PARD3B: variants seen among roughly 807,000 people sequenced by gnomAD.
PARD3B encodes par-3 family cell polarity regulator beta.
Under a neutral mutation model 130.2 loss-of-function variants are expected in PARD3B, and 103 were observed. The ratio of observed to expected loss-of-function variants is 0.79; its 90% CI spans 0.67 to 0.93. PARD3B has a LOEUF of 0.93. PARD3B is among the 40% of genes least tolerant of loss of function. The pLI is 0.00. For missense variants in PARD3B, 1,609 were observed against 1,499.2 expected (o/e 1.07, Z -1.21); for synonymous variants, 583 against 553.2 (o/e 1.05, Z -0.76).
rs974511598 is a variant in PARD3B, at chr2:204,664,678, T to G, written c.121-21503T>G. Among the ~76,000 whole-genome samples, 36 of 152,204 alleles carry G rather than the reference T, an allele frequency of 2.4e-4. No individual in the cohort carries two copies. The highest frequency in any genetic ancestry group is 8.2e-4 in the African/African-American group (34 of 41,460). On this transcript the variant is annotated intron_variant, in intron 1 of 22. Coordinates refer to ENST00000406610, the MANE Select transcript of PARD3B (RefSeq NM_001302769.2). The surrounding 1 kb of genome is among the most constrained non-coding windows in gnomAD (Gnocchi z 5.2). ...GAAGAACTTATAGGCAAATAGCTTT[T>G]GAGAATTTGGACTCATTAGCAGGGC...
rs748293409 is a variant in PARD3B, at chr2:205,615,453, C to T, written c.3261-3C>T. ...TAACATGTGTCTCTTCTTCTCTTTC[C>T]AGGGGAGGACCCGCAGATCCTGTAG... On this transcript the variant is annotated splice_polypyrimidine_tract_variant and splice_region_variant and intron_variant, in intron 22 of 22. Transcript: ENST00000406610. The T allele has an allele frequency of 1.9e-6, 3 of 1,584,518 alleles. No individual in the cohort carries two copies. The highest frequency in any genetic ancestry group is 2.6e-6 in the Non-Finnish European group (3 of 1,165,254).
intron 20 of PARD3B, among the ~76,000 whole-genome samples, chr2:205,499,083 T>A (rs564732889): frequency 1.3e-5 from 2 of 152,298 alleles, no homozygotes; most frequent in South Asian, 4.1e-4. Context: ...GCTGTTCAGA[T>A]CTGCCTGTCA....
At chr2:204,996,823 G>A (rs1232783595) in intron 3 of PARD3B, among the ~76,000 whole-genome samples, 1 of 147,136 alleles carries the variant, frequency 6.8e-6, no homozygotes, top group African/African-American at 2.5e-5. Flanking sequence ...CGCAATATTC[G>A]GGTGGGAGTG....
chr2:205,468,985 A>G (rs2048732318), intron 20 of PARD3B, among the ~76,000 whole-genome samples: 1 of 150,218 alleles, frequency 6.7e-6, no homozygotes, highest in Admixed American at 6.6e-5. Context: ...TTTTTTCTTA[A>G]TGAAGCCCTG....
intron 2 of PARD3B, among the ~76,000 whole-genome samples, chr2:204,881,704 A>T (rs1278577191): frequency 1.3e-5 from 2 of 151,954 alleles, no homozygotes; most frequent in Admixed American, 6.6e-5. Flanking sequence ...AATGAAGGAA[A>T]CTCTGAAGCT....
intron 15 of PARD3B, among the ~76,000 whole-genome samples, chr2:205,217,997 A>T (rs2038041776): frequency 6.7e-6 from 1 of 148,956 alleles, no homozygotes; most frequent in East Asian, 2.0e-4. Context: ...GGTTCAAGCG[A>T]TTCTTCTGCC....
chr2:205,296,663 ATGTGTGTGTGTG>A (rs3048084), intron 16 of PARD3B, among the ~76,000 whole-genome samples: 34 of 138,032 alleles, frequency 2.5e-4, no homozygotes, highest in African/African-American at 8.1e-4. Flanking sequence ...GTGTTTGTGT[ATGTGTGTGTGTG>A]TGTGTGTGTG....
At chr2:204,742,580 T>A (rs747560922) in intron 2 of PARD3B, among the ~76,000 whole-genome samples, 4 of 152,272 alleles carry the variant, frequency 2.6e-5, no homozygotes, top group Middle Eastern at 3.4e-3. Context: ...TTAACCAGGG[T>A]TGTTTTATTC....
At chr2:205,326,608 A>T (rs1035647125) in intron 18 of PARD3B, among the ~76,000 whole-genome samples, 2 of 152,210 alleles carry the variant, frequency 1.3e-5, no homozygotes, top group African/African-American at 4.8e-5. Context: ...ATTTTACTCA[A>T]GAAAATTGGG....
intron 2 of PARD3B, among the ~76,000 whole-genome samples, chr2:204,889,039 G>T (rs1166033057): frequency 6.6e-6 from 1 of 152,138 alleles, no homozygotes; most frequent in African/African-American, 2.4e-5. Context: ...AGGTGCTATT[G>T]CTGGACTCCC....
In PARD3B at chr2:205,050,172, TATTA is replaced by T. The variant is rs555942634; in HGVS notation, c.504+2489_504+2492del. On this transcript the variant is annotated intron_variant, in intron 4 of 22. Transcript: ENST00000406610. ...AGAAATTAACCAGCTAATTAATTAT[TATTA>T]ATTAATATATATTAATATATAAATA... 5.0e-4 allele frequency among the ~76,000 whole-genome samples: 74 copies of T among 148,318 alleles called. 2 individuals are homozygous for T. In the East Asian group the frequency reaches 0.012, roughly 23 times the overall value.
At chr2:204,849,250 G>C (rs2044604678) in intron 2 of PARD3B, among the ~76,000 whole-genome samples, 1 of 151,950 alleles carries the variant, frequency 6.6e-6, no homozygotes, top group African/African-American at 2.4e-5. Flanking sequence ...ATACTCTGTA[G>C]GACATACAGG....
chr2:205,026,020 C>T (rs1452171809), intron 3 of PARD3B, among the ~76,000 whole-genome samples: 1 of 152,162 alleles, frequency 6.6e-6, no homozygotes, highest in African/African-American at 2.4e-5. Context: ...TCTGAGCATA[C>T]AACTGGGAAA....
chr2:205,088,104 C>T (rs1701853316), intron 4 of PARD3B, among the ~76,000 whole-genome samples: 1 of 152,180 alleles, frequency 6.6e-6, no homozygotes, highest in Non-Finnish European at 1.5e-5. Context: ...CAACTGTGAT[C>T]CAAATGATGA....
At chr2:204,646,062 G>A (rs1260365927) in intron 1 of PARD3B, among the ~76,000 whole-genome samples, 5 of 151,982 alleles carry the variant, frequency 3.3e-5, no homozygotes, top group African/African-American at 1.2e-4. Flanking sequence ...GTTTTATTTG[G>A]TTTTGACATA....
In PARD3B at chr2:205,258,214, G is replaced by T. The variant is rs1380969402; in HGVS notation, c.2185+12392G>T. Among the ~76,000 whole-genome samples the T allele has an allele frequency of 6.6e-6, 1 of 151,992 alleles. No individual in the cohort carries two copies. The highest frequency in any genetic ancestry group is 1.5e-5 in the Non-Finnish European group (1 of 68,008). Reference sequence around the variant, plus strand: ...CTGACATTTACCAGCAGGAAATCAGGTTGATCCCACAAGAATACATCCCAA... The same window carrying T: ...CTGACATTTACCAGCAGGAAATCAGTTTGATCCCACAAGAATACATCCCAA... On this transcript the variant is annotated intron_variant, in intron 16 of 22. Transcript: ENST00000406610. The surrounding 1 kb of genome is among the most constrained non-coding windows in gnomAD (Gnocchi z 4.9).
intron 2 of PARD3B, among the ~76,000 whole-genome samples, chr2:204,773,798 CT>C (rs1197817579): frequency 1.3e-5 from 2 of 152,084 alleles, no homozygotes; most frequent in African/African-American, 4.8e-5. Context: ...TTCCTCTTCT[CT>C]TCCACGTACC....
rs2040162898 is a variant in PARD3B at position 205,258,053 on chromosome 2, TATATTTTCAA to T, written c.2185+12236_2185+12245del. On this transcript the variant is annotated intron_variant, in intron 16 of 22. Transcript: ENST00000406610. The surrounding 1 kb of genome is among the most constrained non-coding windows in gnomAD (Gnocchi z 4.9). ...TCTCTCAATAAACTCTAACTTGAGT[TATATTTTCAA>T]ATATAGTCCCCCAGCAGGCCATTTC... Among the ~76,000 whole-genome samples, 2 of 152,194 alleles carry T rather than the reference TATATTTTCAA, an allele frequency of 1.3e-5. No homozygotes were observed. Among genetic ancestry groups the T allele is most frequent in the Non-Finnish European group, 2.9e-5 (2 of 68,048 alleles).
At chr2:205,031,437 T>G (rs1274866633) in intron 3 of PARD3B, among the ~76,000 whole-genome samples, 2 of 152,142 alleles carry the variant, frequency 1.3e-5, no homozygotes, top group African/African-American at 4.8e-5. Context: ...ACCTGAAAGA[T>G]GAGATTATGA....
Sources: allele counts gnomAD v4.1 joint callset (sites outside exome capture counted in the v4.1 genomes callset), GRCh38; gene constraint gnomAD v4.1.1; non-coding constraint Gnocchi (gnomAD v3.1); transcripts MANE v1.5; gene names NCBI Gene and HGNC (gene_info 2026-07-23, HGNC 2026-07-21).